ATXN1: variants seen among roughly 807,000 people sequenced by gnomAD.
ATXN1 encodes ataxin 1, also known as ataxin-1.
In ATXN1, 8 loss-of-function variants were observed where a neutral mutation model predicts 56.4. The ratio of observed to expected loss-of-function variants is 0.14; its 90% CI spans 0.08 to 0.26. The LOEUF (loss-of-function observed/expected upper bound fraction) is 0.26. ATXN1 is among the 10% of genes least tolerant of loss of function. The pLI, the probability that ATXN1 is intolerant of heterozygous loss-of-function variation, is 1.00. For synonymous variants in ATXN1, 514 were observed against 494.6 expected, an observed-to-expected ratio of 1.04 and a Z score of -0.52; for missense variants, 987 against 1,106.5, an observed-to-expected ratio of 0.89 and a Z score of 1.53.
intron 6 of ATXN1, among the ~76,000 whole-genome samples, chr6:16,455,644 C>T (rs139788614): frequency 7.9e-5 from 12 of 152,250 alleles, no homozygotes; most frequent in African/African-American, 2.9e-4. Flanking sequence ...CATTCATAAT[C>T]GTGAATGGGT....
At chr6:16,360,317 G>A (rs1311406519) in intron 6 of ATXN1, among the ~76,000 whole-genome samples, 3 of 152,170 alleles carry the variant, frequency 2.0e-5, no homozygotes, top group South Asian at 4.1e-4. Context: ...TTTTAAAGTA[G>A]GGGAACAGAT....
chr6:16,645,465 C>T (rs964794809), intron 3 of ATXN1, among the ~76,000 whole-genome samples: 2 of 152,176 alleles, frequency 1.3e-5, no homozygotes, highest in Non-Finnish European at 2.9e-5. Flanking sequence ...ACTTGCTTAG[C>T]AACGTGGACT....
intron 2 of ATXN1, among the ~76,000 whole-genome samples, chr6:16,714,030 C>T (rs141321658): frequency 6.6e-6 from 1 of 152,050 alleles, no homozygotes; most frequent in African/African-American, 2.4e-5. Context: ...GTGGTGTGCA[C>T]CTCTAGTCCC....
chr6:16,566,930 C>T (rs1356538346), intron 4 of ATXN1, among the ~76,000 whole-genome samples: 1 of 152,194 alleles, frequency 6.6e-6, no homozygotes, highest in Non-Finnish European at 1.5e-5. Flanking sequence ...CTAGGCTAGT[C>T]TCAAACTCCT....
intron 7 of ATXN1, among the ~76,000 whole-genome samples, chr6:16,310,694 G>C (rs1431460081): frequency 6.6e-6 from 1 of 152,072 alleles, no homozygotes; most frequent in Admixed American, 6.6e-5. Flanking sequence ...TCACCATGTT[G>C]GCCAGGATGG....
In ATXN1 at chr6:16,326,774, G is replaced by A. The variant is rs1437952303; in HGVS notation, c.1537C>T (p.Pro513Ser). Residue 513 changes from proline (P) to serine (S), a missense_variant, in exon 7 of 8, where the codon CCC becomes TCC. By Grantham distance (74) the Pro-to-Ser change is moderately conservative. This residue lies in a region of ATXN1 where 723 missense variants were observed against 791.7 expected (regional missense o/e 0.91). Coordinates refer to ENST00000436367, the MANE Select transcript of ATXN1 (RefSeq NM_001128164.2). The surrounding 1 kb of genome is among the most constrained non-coding windows in gnomAD (Gnocchi z 6.6). ...GAAPAIVTSS[P>S]QFAAVPHTFV... ...GTGTGAGGCACTGCAGCAAACTGGG[G>A]GGATGACGTGACTATGGCCGGGGCT... is the stretch of plus-strand genomic sequence containing the variant. 2 of 1,612,306 alleles carry A rather than the reference G, an allele frequency of 1.2e-6. No individual in the cohort carries two copies. Among genetic ancestry groups the A allele is most frequent in the South Asian group, 2.2e-5 (2 of 91,004 alleles).
At chr6:16,568,916 T>A (rs1338053753) in intron 4 of ATXN1, among the ~76,000 whole-genome samples, 7 of 152,146 alleles carry the variant, frequency 4.6e-5, no homozygotes, top group African/African-American at 1.7e-4. Flanking sequence ...AAGCTCTGGG[T>A]ATACACACAA....
At chr6:16,359,993 G>A (rs895471173) in intron 6 of ATXN1, among the ~76,000 whole-genome samples, 2 of 151,954 alleles carry the variant, frequency 1.3e-5, no homozygotes, top group East Asian at 1.9e-4. Context: ...TGGCTGCACC[G>A]AAAATCTCAG....
chr6:16,589,121 G>A, intron 3 of ATXN1, among the ~76,000 whole-genome samples: 1 of 152,006 alleles, frequency 6.6e-6, no homozygotes, highest in East Asian at 1.9e-4. Flanking sequence ...AAGTCTCAGG[G>A]CTGGGGACGC....
At chr6:16,325,075 G>C (rs1020821554) in intron 7 of ATXN1, among the ~76,000 whole-genome samples, 2 of 150,968 alleles carry the variant, frequency 1.3e-5, no homozygotes, top group South Asian at 4.2e-4. Flanking sequence ...CTCCCCAGCA[G>C]CCTCCTATAT....
intron 6 of ATXN1, among the ~76,000 whole-genome samples, chr6:16,365,307 G>A (rs1216414382): frequency 6.6e-6 from 1 of 152,152 alleles, no homozygotes; most frequent in Non-Finnish European, 1.5e-5. Flanking sequence ...CTCCTGAGTA[G>A]CTGGGACTGC....
chr6:16,710,428 G>T (rs1175316916), intron 2 of ATXN1, among the ~76,000 whole-genome samples: 1 of 151,952 alleles, frequency 6.6e-6, no homozygotes, highest in South Asian at 2.1e-4. Flanking sequence ...GCTTTTTTGG[G>T]GGGTAGGGGG....
chr6:16,491,605 G>A (rs1760667377), intron 5 of ATXN1, among the ~76,000 whole-genome samples: 1 of 151,928 alleles, frequency 6.6e-6, no homozygotes. Flanking sequence ...CCTGATCCCT[G>A]GAATTTTTAG....
At chr6:16,440,616 G>A (rs557078674) in intron 6 of ATXN1, among the ~76,000 whole-genome samples, 36 of 79,058 alleles carry the variant, frequency 4.6e-4, no homozygotes, top group African/African-American at 2.3e-3. Flanking sequence ...ACTCCAACCT[G>A]GGAAACAGAG....
intron 3 of ATXN1, among the ~76,000 whole-genome samples, chr6:16,654,400 TG>T (rs1230329967): frequency 2.0e-5 from 3 of 151,890 alleles, no homozygotes; most frequent in Non-Finnish European, 2.9e-5. Context: ...AAAAATTAGC[TG>T]GGCACGGTGG....
intron 6 of ATXN1, among the ~76,000 whole-genome samples, chr6:16,350,866 T>C (rs545902813): frequency 2.0e-5 from 3 of 152,164 alleles, no homozygotes; most frequent in Non-Finnish European, 4.4e-5. Context: ...GAGGACTATG[T>C]GAGGCCAGGA....
intron 6 of ATXN1, among the ~76,000 whole-genome samples, chr6:16,381,923 T>C (rs529851419): frequency 6.6e-6 from 1 of 152,370 alleles, no homozygotes; most frequent in Admixed American, 6.5e-5. Flanking sequence ...CTGATGTATG[T>C]CTACATTTAT....
chr6:16,666,245 T>C (rs1315407253), intron 2 of ATXN1, among the ~76,000 whole-genome samples: 1 of 152,216 alleles, frequency 6.6e-6, no homozygotes, highest in Non-Finnish European at 1.5e-5. Context: ...TATTTGTCTT[T>C]CTGTGCCTGG....
intron 6 of ATXN1, among the ~76,000 whole-genome samples, chr6:16,464,594 A>G (rs2137874): frequency 0.46 from 69,543 of 152,006 alleles, 16,572 homozygotes; most frequent in East Asian, 0.82. Context: ...GCGAGACCAT[A>G]AACCCACCGG....
Sources: allele counts gnomAD v4.1 joint callset (sites outside exome capture counted in the v4.1 genomes callset), GRCh38; gene constraint gnomAD v4.1.1; regional missense constraint gnomAD v4.1.1; non-coding constraint Gnocchi (gnomAD v3.1); transcripts MANE v1.5; gene names NCBI Gene and HGNC (gene_info 2026-07-23, HGNC 2026-07-21).